Variants in BLTP1 observed in about 807,000 individuals in gnomAD.
BLTP1 encodes the protein fragile site-associated protein.
chr4:122,171,880 A>G, the BLTP1 span: 1 of 985,094 alleles, frequency 1.0e-6, no homozygotes, highest in Non-Finnish European at 1.2e-6. Flanking sequence ...GGGGGGCGTG[A>G]TATAATGAAA....
chr4:122,309,164 C>T, the BLTP1 span: 1 of 1,454,784 alleles, frequency 6.9e-7, no homozygotes, highest in South Asian at 1.4e-5. Flanking sequence ...CATATCTAGG[C>T]TTGACCGTTT....
chr4:122,321,329 C>T, the BLTP1 span, among the ~76,000 whole-genome samples: 1 of 152,170 alleles, frequency 6.6e-6, no homozygotes, highest in Non-Finnish European at 1.5e-5. Context: ...TAATCATAAT[C>T]CCTCCCTCCT....
At chr4:122,212,109 G>A in the BLTP1 span, 2 of 980,786 alleles carry the variant, frequency 2.0e-6, no homozygotes, top group Non-Finnish European at 2.4e-6. Flanking sequence ...GGACAGGGAA[G>A]CACAATCAAG....
the BLTP1 span, chr4:122,181,364 A>T: frequency 3.4e-5 from 9 of 264,234 alleles, no homozygotes; most frequent in Non-Finnish European, 5.3e-5. Flanking sequence ...AGTAATAAAA[A>T]TCTTGGTCCT....
At chr4:122,340,234 A>AT in the BLTP1 span, among the ~76,000 whole-genome samples, 1 of 152,136 alleles carries the variant, frequency 6.6e-6, no homozygotes, top group African/African-American at 2.4e-5. Flanking sequence ...TATAGTATAT[A>AT]TGACAACCCC....
chr4:122,344,491 C>T, the BLTP1 span: 1 of 1,613,880 alleles, frequency 6.2e-7, no homozygotes, highest in Admixed American at 1.7e-5. Context: ...CAGGAGGTGC[C>T]TCATTTTTTG....
At chr4:122,237,254 G>A in the BLTP1 span, 3 of 985,080 alleles carry the variant, frequency 3.0e-6, no homozygotes, top group Non-Finnish European at 3.6e-6. Context: ...TATTTTTTTT[G>A]GATCTAGGCA....
the BLTP1 span, chr4:122,334,451 T>C: frequency 6.2e-6 from 10 of 1,612,872 alleles, no homozygotes; most frequent in South Asian, 2.2e-5. Flanking sequence ...GTATGAAAGA[T>C]AGTGCAACAT....
At chr4:122,266,689 G>A in the BLTP1 span, 63 of 1,118,570 alleles carry the variant, frequency 5.6e-5, no homozygotes, top group Middle Eastern at 4.3e-4. Context: ...TACTGAGGTA[G>A]GGTAAGAAAT....
chr4:122,177,381 C>T, the BLTP1 span, among the ~76,000 whole-genome samples: 2 of 152,112 alleles, frequency 1.3e-5, no homozygotes, highest in Non-Finnish European at 2.9e-5. Context: ...AACTAGTCTC[C>T]CTGCTTCTGT....
At chr4:122,175,031 T>C in the BLTP1 span, 1 of 942,342 alleles carries the variant, frequency 1.1e-6, no homozygotes, top group Non-Finnish European at 1.3e-6. Context: ...TATAGAATTG[T>C]TTAGCATTTG....
chr4:122,325,671 T>C, the BLTP1 span: 6 of 1,037,996 alleles, frequency 5.8e-6, no homozygotes, highest in Non-Finnish European at 7.6e-6. Flanking sequence ...CTCATTTATG[T>C]ATTTTATTTA....
At chr4:122,258,919 G>A in the BLTP1 span, 2 of 808,558 alleles carry the variant, frequency 2.5e-6, no homozygotes, top group South Asian at 4.0e-5. Flanking sequence ...AAATTTAAAT[G>A]TTAGGTGTCC....
At chr4:122,328,421 T>C in the BLTP1 span, 1 of 1,433,444 alleles carries the variant, frequency 7.0e-7, no homozygotes, top group Admixed American at 1.9e-5. Context: ...GCACAAAATG[T>C]TATATATAAC....
At chr4:122,323,698 A>G in the BLTP1 span, among the ~76,000 whole-genome samples, 3 of 152,056 alleles carry the variant, frequency 2.0e-5, no homozygotes, top group Admixed American at 6.6e-5. Context: ...GTAATTTTAT[A>G]TTTTAAATTT....
At chr4:122,168,979 CCT>C in the BLTP1 span, among the ~76,000 whole-genome samples, 1 of 151,924 alleles carries the variant, frequency 6.6e-6, no homozygotes, top group African/African-American at 2.4e-5. Context: ...AAGGGGTCTC[CCT>C]CTCTCAACTG....
chr4:122,350,715 A>G, the BLTP1 span, among the ~76,000 whole-genome samples: 1 of 152,340 alleles, frequency 6.6e-6, no homozygotes, highest in East Asian at 1.9e-4. Flanking sequence ...GTGACATTTT[A>G]GTGGAAATGT....
chr4:122,240,193 A>C, the BLTP1 span: 1 of 1,614,148 alleles, frequency 6.2e-7, no homozygotes, highest in Admixed American at 1.7e-5. Context: ...AATTGTTATC[A>C]GACTTACCTT....
the BLTP1 span, among the ~76,000 whole-genome samples, chr4:122,167,197 C>G: frequency 6.6e-6 from 1 of 152,120 alleles, no homozygotes; most frequent in African/African-American, 2.4e-5. Context: ...ATATTTATGT[C>G]TATATCCATT....
Sources: gnomAD v4.1 joint callset for allele counts (sites outside exome capture counted in the v4.1 genomes callset) on GRCh38, gnomAD v4.1.1 for gene constraint, MANE v1.5 for transcripts, NCBI Gene and HGNC (gene_info 2026-07-23, HGNC 2026-07-21) for gene names.